The following NUP155 variants were observed in gnomAD, a reference collection of about 807,000 sequenced individuals.
NUP155 encodes the protein nuclear pore complex protein Nup155.
NUP155 carries 71 observed loss-of-function variants against 180.4 expected under a neutral mutation model. The observed-to-expected ratio is 0.39, with a 90% CI of 0.33 to 0.48. NUP155 has a LOEUF of 0.48. NUP155 is among the 20% of genes least tolerant of loss of function. The probability of loss-of-function intolerance (pLI) is 0.91; values close to 1 mark genes in which losing one functional copy is unlikely to be tolerated. For missense variants in NUP155, 1,553 were observed against 1,648.9 expected (o/e 0.94, Z 1.01); for synonymous variants, 582 against 559.5 (o/e 1.04, Z -0.57).
intron 3 of NUP155, among the ~76,000 whole-genome samples, chr5:37,361,223 T>C (rs1287434832): frequency 8.0e-6 from 1 of 125,462 alleles, no homozygotes; most frequent in Non-Finnish European, 1.6e-5. Context: ...ACCAAGATAG[T>C]CCACTGCACT....
chr5:37,298,897 T>C lies in NUP155; in HGVS notation c.3764A>G (p.Tyr1255Cys). ...SLKIVLLGKIYAGTPRFFPLD... is the reference protein window; with the variant it reads ...SLKIVLLGKICAGTPRFFPLD... ...AGGAAAGAAGCGTGGTGTGCCAGCA[T>C]AAATTTTGCCAAGGAGAACAATCTT... Residue 1255 changes from tyrosine to cysteine, a missense_variant, in exon 32 of 35, where the codon TAT becomes TGT. Tyr to Cys is a radical substitution (Grantham distance 194). Transcript: ENST00000231498. 6.2e-7 allele frequency: 1 copy of C among 1,611,510 alleles called. No homozygotes were observed. The highest frequency in any genetic ancestry group is 8.5e-7 in the Non-Finnish European group (1 of 1,177,636).
At chr5:37,351,553 T>C (rs1282928534) in intron 5 of NUP155, among the ~76,000 whole-genome samples, 197 bp from the exon 6 acceptor site, 9 of 151,892 alleles carry the variant, frequency 5.9e-5, no homozygotes, top group African/African-American at 2.2e-4. Context: ...TTCATGCCAT[T>C]CTCCTGCCTC....
Position 37,298,876 on chromosome 5 carries a change from A to G in NUP155, c.3785T>C (p.Phe1262Ser), listed in dbSNP as rs1461498520. The G allele has an allele frequency of 2.5e-6, 4 of 1,588,950 alleles. No homozygotes were observed. Among genetic ancestry groups the G allele is most frequent in the Middle Eastern group, 1.7e-4 (1 of 6,002 alleles). The change falls in exon 32 of 35, where the codon TTT (phenylalanine) becomes TCT (serine). Residue 1262 changes from phenylalanine (F) to serine (S), a missense_variant. Transcript: ENST00000231498. ...CTAAGATCACAGCTTACCTAAAGGA[A>G]AGAAGCGTGGTGTGCCAGCATAAAT... The part of the protein sequence containing the change: ...GKIYAGTPRF[F>S]PLDFIVQFLE...
chr5:37,337,897 G>A lies in NUP155; in HGVS notation c.1268C>T (p.Ser423Leu). 1 of 1,607,584 alleles carries A rather than the reference G, an allele frequency of 6.2e-7. No homozygotes were observed. The highest frequency in any genetic ancestry group is 8.5e-7 in the Non-Finnish European group (1 of 1,175,858). Residue 423 changes from serine (S) to leucine (L), a missense_variant, in exon 12 of 35, where the codon TCA becomes TTA. By Grantham distance (145) the Ser-to-Leu change is moderately radical. Transcript: ENST00000231498. ...TAAAATATCATTATCCTCATTTTCT[G>A]AGGCTGCCATCAATAGAATACCTAA... ...YSKGILLMAA[S>L]ENEDNDILWC...
chr5:37,365,505 AG>A (rs1747502705), intron 1 of NUP155, among the ~76,000 whole-genome samples: 1 of 151,620 alleles, frequency 6.6e-6, no homozygotes, highest in Non-Finnish European at 1.5e-5. Context: ...CAGGAGTTCA[AG>A]ACCAGCCTGG....
chr5:37,364,530 C>A, intron 1 of NUP155, 146 bp from the exon 2 acceptor site: 1 of 720,936 alleles, frequency 1.4e-6, no homozygotes, highest in Non-Finnish European at 2.5e-6. Flanking sequence ...ACAAAGTAGT[C>A]CTGAAATATT....
chr5:37,320,110 G>C lies in NUP155; in HGVS notation c.2208-2025C>G, dbSNP rs542950274. On this transcript the variant is annotated intron_variant, in intron 20 of 34. Coordinates refer to ENST00000231498, the MANE Select transcript of NUP155 (RefSeq NM_153485.3). ...TGAGTCTGAGATTGCAGGGAATAATGATCACATCACTGCACTCCAGCCTCA... is the reference window on the plus strand; with the variant it reads ...TGAGTCTGAGATTGCAGGGAATAATCATCACATCACTGCACTCCAGCCTCA... 2.0e-4 allele frequency among the ~76,000 whole-genome samples: 31 copies of C among 152,084 alleles called. No homozygotes were observed. In the South Asian group the frequency reaches 3.5e-3, roughly 17 times the overall value.
rs778467219 is a variant in NUP155 at position 37,294,411 on chromosome 5, C to A, written c.3848G>T (p.Gly1283Val). The change falls in exon 33 of 35, where the codon GGC becomes GTC. Residue 1283 changes from glycine (G) to valine (V), a missense_variant. By Grantham distance (109) the Gly-to-Val change is moderately radical. Transcript: ENST00000231498. The stretch of plus-strand genomic sequence containing the variant: ...TTCATTCATTGTCTGTATTACGAAG[C>A]CCACATCCCAGTTCAAAGTACAAAC... Reference protein sequence around the residue: ...QQVCTLNWDVGFVIQTMNEIG... With the variant: ...QQVCTLNWDVVFVIQTMNEIG... 2.5e-6 allele frequency: 4 copies of A among 1,611,942 alleles called. No individual in the cohort carries two copies. In the South Asian group the frequency reaches 4.4e-5, roughly 18 times the overall value.
intron 1 of NUP155, 152 bp downstream of exon 1, chr5:37,370,668 GA>G: frequency 6.3e-7 from 1 of 1,598,296 alleles, no homozygotes. Flanking sequence ...GAAAAAACCT[GA>G]AAAGAAGCTG....
At chr5:37,370,721 T>A (rs1747906055) in intron 1 of NUP155, 100 bp downstream of exon 1, 1 of 1,611,654 alleles carries the variant, frequency 6.2e-7, no homozygotes, top group Admixed American at 1.7e-5. Flanking sequence ...GCCATAAATC[T>A]CAGCATATCC....
rs537333619 is a variant in NUP155 at position 37,351,496 on chromosome 5, G to A, written c.557-140C>T. ...ACAGTCTTACTCTGTCACCCAGGCT[G>A]GGTGCAGTGGCCCGATCTCAGCTCA... On this transcript the variant is annotated intron_variant, in intron 5 of 34. Coordinates refer to ENST00000231498, the MANE Select transcript of NUP155 (RefSeq NM_153485.3). 29 of 604,062 alleles carry A rather than the reference G, an allele frequency of 4.8e-5. No homozygotes were observed. The Admixed American group carries it at 6.3e-4, about 13-fold the overall frequency. The allele number at this position is 604,062 out of a possible 1,614,324, so 37.4% of individuals were successfully genotyped here.
intron 24 of NUP155, among the ~76,000 whole-genome samples, chr5:37,307,864 G>A (rs1581139908): frequency 1.3e-5 from 2 of 150,448 alleles, no homozygotes; most frequent in African/African-American, 4.9e-5. Flanking sequence ...AGAGGTTGTA[G>A]TGAGCTGAGA....
At chr5:37,358,807 A>G (rs572290641) in intron 3 of NUP155, among the ~76,000 whole-genome samples, 35 of 152,182 alleles carry the variant, frequency 2.3e-4, no homozygotes, top group Admixed American at 2.1e-3. Context: ...TCACAAGGTC[A>G]GGAGATTGAG....
chr5:37,321,435 C>T (rs536150892), intron 20 of NUP155, among the ~76,000 whole-genome samples: 2 of 152,014 alleles, frequency 1.3e-5, no homozygotes, highest in South Asian at 2.1e-4. Context: ...AAGATAAAGA[C>T]AGGCCAGGCG....
chr5:37,359,782 T>A (rs1176966067), intron 3 of NUP155, among the ~76,000 whole-genome samples: 1 of 152,052 alleles, frequency 6.6e-6, no homozygotes, highest in African/African-American at 2.4e-5. Context: ...ATCCAAACTA[T>A]CAGACAAGAA....
chr5:37,352,064 A>G (rs1334121032), intron 5 of NUP155, among the ~76,000 whole-genome samples: 2 of 152,058 alleles, frequency 1.3e-5, no homozygotes, highest in Non-Finnish European at 2.9e-5. Flanking sequence ...CTCTTCTAAA[A>G]ATACAAAATT....
At chr5:37,303,020 A>G in intron 28 of NUP155, 112 bp from the exon 29 acceptor site, 1 of 1,234,402 alleles carries the variant, frequency 8.1e-7, no homozygotes, top group African/African-American at 1.5e-5. Context: ...AAGCCATCTG[A>G]AACTTGAAAA....
chr5:37,340,057 C>A (rs919703842), intron 11 of NUP155, among the ~76,000 whole-genome samples: 3 of 152,178 alleles, frequency 2.0e-5, no homozygotes, highest in African/African-American at 2.4e-5. Context: ...CTGCACCCGG[C>A]CCCACCTCAC....
At chr5:37,303,449 A>C in intron 27 of NUP155, 35 bp from the exon 28 acceptor site, 1 of 1,555,430 alleles carries the variant, frequency 6.4e-7, no homozygotes, top group Non-Finnish European at 8.9e-7. Flanking sequence ...AAAATTTTCT[A>C]ACCACCTACA....
Sources: allele counts gnomAD v4.1 joint callset (sites outside exome capture counted in the v4.1 genomes callset), GRCh38; gene constraint gnomAD v4.1.1; transcripts MANE v1.5; gene names NCBI Gene and HGNC (gene_info 2026-07-23, HGNC 2026-07-21).